The following CFAP299 variants were observed in gnomAD, a reference collection of about 807,000 sequenced individuals.
CFAP299 encodes the protein cilia- and flagella-associated protein 299.
In CFAP299, 21 loss-of-function variants were observed where a neutral mutation model predicts 27.0. The observed-to-expected ratio is 0.78, with a 90% CI of 0.55 to 1.12. The LOEUF is 1.12. CFAP299 is among the 50% of genes most tolerant of loss of function. The pLI, the probability that CFAP299 is intolerant of heterozygous loss-of-function variation, is 0.00. For synonymous variants in CFAP299, 104 were observed against 98.1 expected (o/e 1.06, Z -0.36); for missense variants, 310 against 276.6 (o/e 1.12, Z -0.86).
At chr4:80,386,950 G>C in intron 2 of CFAP299, 1 of 897,716 alleles carries the variant, frequency 1.1e-6, no homozygotes, top group South Asian at 1.3e-5. Context: ...TAATGCACCC[G>C]CCGGGAGGAC....
At chr4:80,800,793 A>ATATATG (rs1560419915) in intron 3 of CFAP299, among the ~76,000 whole-genome samples, 5 of 138,634 alleles carry the variant, frequency 3.6e-5, no homozygotes, top group African/African-American at 1.4e-4. Context: ...ATACATATAT[A>ATATATG]TATATGAGTT....
At chr4:80,941,145 T>C (rs1385841681) in intron 4 of CFAP299, among the ~76,000 whole-genome samples, 1 of 152,190 alleles carries the variant, frequency 6.6e-6, no homozygotes, top group African/African-American at 2.4e-5. Flanking sequence ...AAATGTTGTA[T>C]AAATAGTTGT....
intron 2 of CFAP299, among the ~76,000 whole-genome samples, chr4:80,511,098 G>T (rs1469326736): frequency 6.6e-6 from 1 of 152,134 alleles, no homozygotes; most frequent in Non-Finnish European, 1.5e-5. Context: ...GCGGTGATTA[G>T]GAGCATGAAT....
At chr4:80,400,483 T>C (rs1358828232) in intron 2 of CFAP299, among the ~76,000 whole-genome samples, 2 of 151,630 alleles carry the variant, frequency 1.3e-5, no homozygotes, top group Admixed American at 6.6e-5. Flanking sequence ...ATTCTTGTGA[T>C]AGTGAATAAG....
chr4:80,917,900 AGGG>A (rs1315108123), intron 4 of CFAP299, among the ~76,000 whole-genome samples: 1 of 152,180 alleles, frequency 6.6e-6, no homozygotes, highest in Admixed American at 6.6e-5. Flanking sequence ...ATTGTATTCT[AGGG>A]GATGTTAGAA....
rs186199176 is a variant in CFAP299 at position 80,911,328 on chromosome 4, C to A, written c.477-33482C>A. Among the ~76,000 whole-genome samples the A allele has an allele frequency of 3.9e-3, 593 of 151,574 alleles. 4 individuals are homozygous for A. Among genetic ancestry groups the A allele is most frequent in the African/African-American group, 0.014 (580 of 41,364 alleles). On this transcript the variant is annotated intron_variant, in intron 4 of 5. Coordinates refer to ENST00000358105, the MANE Select transcript of CFAP299 (RefSeq NM_152770.3). ...ATGCCCTCCTCCCATTCTATTCAAC[C>A]AAACTCACATTTGAAGATATTATTC...
At chr4:80,498,353 A>G (rs1731562940) in intron 2 of CFAP299, among the ~76,000 whole-genome samples, 1 of 152,178 alleles carries the variant, frequency 6.6e-6, no homozygotes, top group South Asian at 2.1e-4. Context: ...AGCATTCAAC[A>G]GAGGTCTAAT....
At chr4:80,549,923 A>C (rs922026010) in intron 2 of CFAP299, among the ~76,000 whole-genome samples, 1 of 151,864 alleles carries the variant, frequency 6.6e-6, no homozygotes, top group Non-Finnish European at 1.5e-5. Context: ...AAATATGAAA[A>C]TTTTTCTACA....
At chr4:80,947,854 A>C (rs1302104279) in intron 5 of CFAP299, among the ~76,000 whole-genome samples, 1 of 152,170 alleles carries the variant, frequency 6.6e-6, no homozygotes, top group Non-Finnish European at 1.5e-5. Context: ...CATCCAACAT[A>C]AAATTTCTTA....
At chr4:80,558,769 A>G (rs139963256) in intron 2 of CFAP299, among the ~76,000 whole-genome samples, 13 of 152,300 alleles carry the variant, frequency 8.5e-5, no homozygotes, top group African/African-American at 3.1e-4. Context: ...CTAAAAAGGT[A>G]TCTGCAGACT....
At chr4:80,812,526 T>C (rs949037378) in intron 3 of CFAP299, among the ~76,000 whole-genome samples, 1 of 152,146 alleles carries the variant, frequency 6.6e-6, no homozygotes, top group African/African-American at 2.4e-5. Flanking sequence ...ATTTATTTCA[T>C]TTATTTACTT....
chr4:80,548,215 G>T (rs1283837499), intron 2 of CFAP299, among the ~76,000 whole-genome samples: 1 of 152,150 alleles, frequency 6.6e-6, no homozygotes, highest in East Asian at 1.9e-4. Flanking sequence ...ATGAGATCAT[G>T]TCCTTTACAG....
chr4:80,864,155 T>G lies in CFAP299; in HGVS notation c.334-5838T>G, dbSNP rs138741072. On this transcript the variant is annotated intron_variant, in intron 3 of 5. Transcript: ENST00000358105. ...TTAAACTTCATTGTGAATTTTTATG[T>G]TAAGTAAACTATACTTAAATAAAGC... Among the ~76,000 whole-genome samples, 559 of 152,140 alleles carry G rather than the reference T, an allele frequency of 3.7e-3. 3 individuals carry two copies. The highest frequency in any genetic ancestry group is 0.013 in the African/African-American group (544 of 41,550).
At chr4:80,567,980 AT>A (rs1487117908) in intron 2 of CFAP299, among the ~76,000 whole-genome samples, 1 of 151,868 alleles carries the variant, frequency 6.6e-6, no homozygotes, top group Admixed American at 6.6e-5. Flanking sequence ...CTTTTAAAAA[AT>A]AATTATTTTC....
chr4:80,656,616 G>A (rs774090354), intron 3 of CFAP299, among the ~76,000 whole-genome samples: 13 of 151,904 alleles, frequency 8.6e-5, no homozygotes, highest in South Asian at 2.1e-4. Flanking sequence ...TTCTTTATCC[G>A]GTCTATCACT....
At chr4:80,857,797 A>G (rs1732018032) in intron 3 of CFAP299, among the ~76,000 whole-genome samples, 1 of 152,070 alleles carries the variant, frequency 6.6e-6, no homozygotes, top group African/African-American at 2.4e-5. Flanking sequence ...GTGCTGCTGG[A>G]TTTGGTTTGG....
intron 3 of CFAP299, among the ~76,000 whole-genome samples, chr4:80,828,591 A>G (rs954951131): frequency 7.2e-5 from 11 of 151,778 alleles, no homozygotes; most frequent in African/African-American, 1.5e-4. Context: ...TGGTCATTTA[A>G]AAGTGTGTAG....
chr4:80,659,685 C>T (rs1577985171), intron 3 of CFAP299, among the ~76,000 whole-genome samples: 1 of 152,130 alleles, frequency 6.6e-6, no homozygotes, highest in South Asian at 2.1e-4. Flanking sequence ...CAAGACTTCT[C>T]ATGGATACAA....
chr4:80,920,246 C>T (rs1735979115), intron 4 of CFAP299, among the ~76,000 whole-genome samples: 1 of 152,120 alleles, frequency 6.6e-6, no homozygotes, highest in African/African-American at 2.4e-5. Flanking sequence ...GAATGTGACT[C>T]ACCTATCTCC....
Sources: allele counts gnomAD v4.1 joint callset (sites outside exome capture counted in the v4.1 genomes callset), GRCh38; gene constraint gnomAD v4.1.1; transcripts MANE v1.5; gene names NCBI Gene and HGNC (gene_info 2026-07-23, HGNC 2026-07-21).